Variants in PUS7L observed in about 807,000 individuals in gnomAD.
PUS7L encodes the protein pseudouridylate synthase PUS7L.
PUS7L carries 49 observed loss-of-function variants against 51.1 expected under a neutral mutation model. That is an observed-to-expected ratio of 0.96 (90% CI 0.76 to 1.22). The LOEUF is 1.22. Among genes scored for constraint, PUS7L ranks in the 50% most tolerant of loss-of-function variants. The probability of loss-of-function intolerance (pLI) is 0.00; values close to 1 mark genes in which losing one functional copy is unlikely to be tolerated. For missense variants in PUS7L, 828 were observed against 820.6 expected (o/e 1.01, Z -0.11); for synonymous variants, 277 against 276.2 (o/e 1.00, Z -0.03).
intron 3 of PUS7L, among the ~76,000 whole-genome samples, chr12:43,747,368 T>C (rs977082746): frequency 2.0e-5 from 3 of 152,202 alleles, no homozygotes; most frequent in African/African-American, 4.8e-5. Flanking sequence ...AAGCAAAATA[T>C]AAACTGTATA....
rs145814117 is a variant in PUS7L, at chr12:43,748,597, C to T, written c.923G>A (p.Arg308Gln). Residue 308 changes from arginine (R) to glutamine (Q), a missense_variant, in exon 3 of 9, where the codon CGA (arginine) becomes CAA (glutamine). Coordinates refer to ENST00000344862, the MANE Select transcript of PUS7L (RefSeq NM_031292.5). ...GKVIYTAFTL[R>Q]KENLEMFEAI... ...TTCAAACATTTCCAGGTTTTCCTTT[C>T]GTAGGGTAAAAGCTGAAACAAAAAA... 2 of 1,583,342 alleles carry T rather than the reference C, an allele frequency of 1.3e-6. No individual in the cohort carries two copies. Among genetic ancestry groups the T allele is most frequent in the Non-Finnish European group, 1.7e-6 (2 of 1,172,082 alleles).
intron 2 of PUS7L, among the ~76,000 whole-genome samples, chr12:43,752,729 C>T (rs1938513967): frequency 6.6e-6 from 1 of 151,962 alleles, no homozygotes; most frequent in Non-Finnish European, 1.5e-5. Flanking sequence ...TTTTTCAGAA[C>T]TGGAGAGGAG....
intron 1 of PUS7L, among the ~76,000 whole-genome samples, chr12:43,755,521 G>T (rs1377414465): frequency 6.6e-6 from 1 of 152,116 alleles, no homozygotes; most frequent in Non-Finnish European, 1.5e-5. Flanking sequence ...CTCCAGATTT[G>T]TACCTATTAT....
intron 4 of PUS7L, among the ~76,000 whole-genome samples, chr12:43,744,176 GA>G (rs1336942516): frequency 6.6e-5 from 10 of 152,020 alleles, no homozygotes; most frequent in African/African-American, 1.7e-4. Flanking sequence ...AGTTTTTGAG[GA>G]AAAAAAAGTA....
chr12:43,730,448 CAA>C lies in PUS7L; in HGVS notation c.2032_2033del (p.Leu678AspfsTer4), dbSNP rs1944523804. The stretch of plus-strand genomic sequence containing the variant: ...ATGAAGCATCAAGATCAAAAGAGAT[CAA>C]AAGAGACAAAGCTGTTTCATCAATG... The part of the protein sequence containing the change: ...SHIDETALSL[L>X]ISFDLDASCY... On this transcript the variant is annotated frameshift_variant, in exon 9 of 9. Transcript: ENST00000344862. LOFTEE classifies it high-confidence loss of function. 6.2e-7 allele frequency: 1 copy of C among 1,613,762 alleles called. No individual in the cohort carries two copies. Among genetic ancestry groups the C allele is most frequent in the Non-Finnish European group, 8.5e-7 (1 of 1,179,816 alleles).
chr12:43,751,373 G>A (rs1452442340), intron 2 of PUS7L, among the ~76,000 whole-genome samples: 1 of 112,234 alleles, frequency 8.9e-6, no homozygotes, highest in African/African-American at 3.6e-5. Context: ...ACAGGACCCA[G>A]TGTGTGACGT....
chr12:43,733,461 G>T (rs1267770737), intron 7 of PUS7L, among the ~76,000 whole-genome samples: 2 of 152,054 alleles, frequency 1.3e-5, no homozygotes, highest in Non-Finnish European at 2.9e-5. Flanking sequence ...CTCATAAAAG[G>T]AAATTCTGCA....
chr12:43,743,580 G>A (rs1225154921), intron 4 of PUS7L, among the ~76,000 whole-genome samples: 1 of 152,104 alleles, frequency 6.6e-6, no homozygotes, highest in African/African-American at 2.4e-5. Flanking sequence ...TGGCTAACAT[G>A]GTGAAACCCT....
intron 2 of PUS7L, among the ~76,000 whole-genome samples, chr12:43,749,148 A>G (rs1938320586): frequency 6.6e-6 from 1 of 152,160 alleles, no homozygotes; most frequent in Admixed American, 6.5e-5. Context: ...TTTGGTATTC[A>G]TATCTGGCCA....
rs1939064530 is a variant in PUS7L, at chr12:43,758,749, T to G, written c.-36A>C. 3.1e-6 allele frequency: 3 copies of G among 978,464 alleles called. No individual in the cohort carries two copies. Among genetic ancestry groups the G allele is most frequent in the East Asian group, 2.4e-4 (2 of 8,342 alleles). The allele number at this position is 978,464 out of a possible 1,614,324, so 60.6% of individuals were successfully genotyped here. A position where few individuals can be genotyped will look rare whatever the true frequency, so the allele number is the denominator to read the frequency against. ...GTCTACCTCGGTTCAGTGGAAGGCA[T>G]TCATTTGCACAACGCTGTGCGCATG... On this transcript the variant is annotated 5_prime_UTR_variant, in exon 1 of 9. An upstream start codon of the reference 5' UTR is lost. Transcript: ENST00000344862.
intron 6 of PUS7L, 32 bp downstream of exon 6, chr12:43,738,278 T>G: frequency 9.3e-7 from 1 of 1,075,702 alleles, no homozygotes; most frequent in South Asian, 1.3e-5. Flanking sequence ...TGTATCTGCA[T>G]GGTTATGTAC....
At chr12:43,740,551 C>T (rs1325099659) in intron 5 of PUS7L, among the ~76,000 whole-genome samples, 2 of 152,130 alleles carry the variant, frequency 1.3e-5, no homozygotes, top group African/African-American at 4.8e-5. Context: ...AATATTTAAA[C>T]TGAGACCTAA....
chr12:43,754,655 TACA>T lies in PUS7L; in HGVS notation c.588_590del (p.Val197del). 1 of 1,613,846 alleles carries T rather than the reference TACA, an allele frequency of 6.2e-7. No individual in the cohort carries two copies. Among genetic ancestry groups the T allele is most frequent in the Non-Finnish European group, 8.5e-7 (1 of 1,179,828 alleles). On this transcript the variant is annotated inframe_deletion, in exon 2 of 9. Transcript: ENST00000344862. The stretch of plus-strand genomic sequence containing the variant: ...GTTCTTTATATTCAAGATTTGGTTT[TACA>T]ACAATTTCACTGTTTTTTCCTACAG...
intron 5 of PUS7L, 133 bp downstream of exon 5, chr12:43,742,324 C>T: frequency 1.6e-6 from 1 of 628,252 alleles, no homozygotes; most frequent in South Asian, 2.0e-5. Flanking sequence ...ACTAAATGTT[C>T]AGTAATGTAA....
chr12:43,734,545 C>A (rs1011077063), intron 7 of PUS7L, among the ~76,000 whole-genome samples: 2 of 152,152 alleles, frequency 1.3e-5, no homozygotes, highest in African/African-American at 4.8e-5. Flanking sequence ...ATCAAGAATT[C>A]TGACATTAAT....
chr12:43,756,127 T>G (rs955514796), intron 1 of PUS7L, among the ~76,000 whole-genome samples: 1 of 152,234 alleles, frequency 6.6e-6, no homozygotes, highest in Admixed American at 6.5e-5. Context: ...TCTACTAATC[T>G]GAACCAATTT....
intron 2 of PUS7L, among the ~76,000 whole-genome samples, 176 bp from the exon 3 acceptor site, chr12:43,748,785 G>A (rs7979691): frequency 0.12 from 18,666 of 152,008 alleles, 2,306 homozygotes; most frequent in African/African-American, 0.32. Context: ...GTGCAGTGGC[G>A]CAATCTAGGC....
At position 43,746,083 on chromosome 12, in the gene PUS7L, A is replaced by C; in HGVS notation, c.1226T>G (p.Leu409Arg). ...LKKQINDSAN[L>R]RERIMEAIEN... The stretch of plus-strand genomic sequence containing the variant: ...TATTGCTTCCATAATTCTCTCCCTC[A>C]GGTTTGCAGAATCATTTATTTGTTT... Residue 409 changes from leucine to arginine, a missense_variant, in exon 4 of 9, where the codon CTG (leucine) becomes CGG (arginine). Transcript: ENST00000344862. 6.5e-7 allele frequency: 1 copy of C among 1,527,674 alleles called. No homozygotes were observed. Among genetic ancestry groups the C allele is most frequent in the South Asian group, 1.2e-5 (1 of 84,950 alleles). 94.6% of individuals were successfully genotyped at this position (1,527,674 alleles called of 1,614,324 possible). A position where few individuals can be genotyped will look rare whatever the true frequency, so the allele number is the denominator to read the frequency against.
Position 43,728,631 on chromosome 12 carries a change from T to G in PUS7L, c.*1745A>C, listed in dbSNP as rs1214501753. The stretch of plus-strand genomic sequence containing the variant: ...ATTTTGTGTATTGAGAATTATTTAT[T>G]GCCAAAACATATAACAAAAAAAACT... On this transcript the variant is annotated 3_prime_UTR_variant, in exon 9 of 9. Transcript: ENST00000344862. 6.6e-6 allele frequency: 1 copy of G among 152,102 alleles called. No individual in the cohort carries two copies. Among genetic ancestry groups the G allele is most frequent in the African/African-American group, 2.4e-5 (1 of 41,448 alleles). The allele number at this position is 152,102 out of a possible 1,614,324, so 9.4% of individuals were successfully genotyped here. A position where few individuals can be genotyped will look rare whatever the true frequency, so the allele number is the denominator to read the frequency against.
Sources: gnomAD v4.1 joint callset for allele counts (sites outside exome capture counted in the v4.1 genomes callset) on GRCh38, gnomAD v4.1.1 for gene constraint, MANE v1.5 for transcripts, NCBI Gene and HGNC (gene_info 2026-07-23, HGNC 2026-07-21) for gene names.